The following MAPK6 variants were observed in gnomAD, a reference collection of about 807,000 sequenced individuals.
The protein encoded by MAPK6 is ERK-3.
Under a neutral mutation model 59.3 loss-of-function variants are expected in MAPK6, and 19 were observed. That is an observed-to-expected ratio of 0.32 (90% CI 0.22 to 0.47). The LOEUF is 0.47. MAPK6 is among the 20% of genes least tolerant of loss of function. MAPK6 has a pLI of 1.00. For missense variants in MAPK6, 724 were observed against 847.9 expected, an observed-to-expected ratio of 0.85 and a Z score of 1.81; for synonymous variants, 316 against 290.3, an observed-to-expected ratio of 1.09 and a Z score of -0.90.
chr15:52,049,902 C>A, intron 2 of MAPK6, 91 bp from the exon 3 acceptor site: 2 of 1,206,604 alleles, frequency 1.7e-6, no homozygotes, highest in Non-Finnish European at 2.4e-6. Flanking sequence ...CATGAGCCAC[C>A]ACGCCTGGCA....
rs2032330477 is a variant in MAPK6, at chr15:52,064,415, T to C, written c.1581T>C (p.Phe527=). 1.2e-6 allele frequency: 2 copies of C among 1,611,838 alleles called. No individual in the cohort carries two copies. The highest frequency in any genetic ancestry group is 2.2e-4 in the Middle Eastern group (1 of 4,452). ...KEREKNQGFD[F]DSFIAGTIQL... ...GGGAAAAGAATCAGGGATTTGATTT[T>C]GATTCCTTTATTGCAGGAACTATTC... Residue 527 remains phenylalanine (F), a synonymous_variant, in exon 6 of 6, where the codon TTT becomes TTC. Coordinates refer to ENST00000261845, the MANE Select transcript of MAPK6 (RefSeq NM_002748.4).
At chr15:52,028,680 A>G (rs74013645) in intron 1 of MAPK6, among the ~76,000 whole-genome samples, 8,606 of 152,294 alleles carry the variant, frequency 0.057, 484 homozygotes, top group African/African-American at 0.13. Flanking sequence ...ATTGCAGACA[A>G]CACTATTGGA....
intron 1 of MAPK6, among the ~76,000 whole-genome samples, chr15:51,980,046 G>C (rs1177757379): frequency 6.6e-6 from 1 of 151,834 alleles, no homozygotes; most frequent in Non-Finnish European, 1.5e-5. Flanking sequence ...TGTAATCCCA[G>C]TGATTTGGGA....
chr15:52,061,275 A>G (rs762460928), intron 4 of MAPK6, 24 bp from the exon 5 acceptor site: 2 of 1,590,038 alleles, frequency 1.3e-6, no homozygotes, highest in Non-Finnish European at 1.7e-6. Flanking sequence ...CTTTTCTGAA[A>G]AACTTTTACC....
intron 1 of MAPK6, among the ~76,000 whole-genome samples, chr15:52,041,117 G>A (rs2031404113): frequency 6.6e-6 from 1 of 152,190 alleles, no homozygotes; most frequent in Non-Finnish European, 1.5e-5. Context: ...CTGCCTTGTT[G>A]AAGTGTGTAG....
chr15:51,982,263 G>C (rs2057176592), intron 1 of MAPK6, among the ~76,000 whole-genome samples: 1 of 152,206 alleles, frequency 6.6e-6, no homozygotes, highest in Non-Finnish European at 1.5e-5. Context: ...TAACTGCAGA[G>C]ATACTATCTC....
In MAPK6 at chr15:51,975,339, A is replaced by C. The variant is rs911189682; in HGVS notation, c.-880+3433A>C. On this transcript the variant is annotated intron_variant, in intron 1 of 7. Transcript: ENST00000691380. ...AGGTGGATCACGAGGTCAAGAGATCAAGACCATCCTGGCCAACATGGTGAA... is the reference window on the plus strand; with the variant it reads ...AGGTGGATCACGAGGTCAAGAGATCCAGACCATCCTGGCCAACATGGTGAA... 7.3e-5 allele frequency among the ~76,000 whole-genome samples: 11 copies of C among 151,606 alleles called. 1 individual carries two copies. The highest frequency in any genetic ancestry group is 5.9e-4 in the Admixed American group (9 of 15,234).
chr15:52,062,962 A>G (rs2032262983), intron 5 of MAPK6, among the ~76,000 whole-genome samples: 1 of 152,198 alleles, frequency 6.6e-6, no homozygotes, highest in South Asian at 2.1e-4. Context: ...GATTTTAAGA[A>G]GAAATTTTTT....
At chr15:51,971,903 C>G (rs1427928916) in exon 1 of MAPK6, 6 of 717,750 alleles carry the variant, frequency 8.4e-6, no homozygotes, top group South Asian at 1.6e-5. Context: ...CTGTTCTCGC[C>G]TGGGTATGCA....
intron 1 of MAPK6, among the ~76,000 whole-genome samples, chr15:52,043,460 G>A (rs1294726388): frequency 6.6e-6 from 1 of 151,818 alleles, no homozygotes; most frequent in Non-Finnish European, 1.5e-5. Flanking sequence ...ACCACGCTGG[G>A]CTGATTTTTG....
rs563085845 is a variant in MAPK6, at chr15:52,053,223, G to T, written c.700+3086G>T. ...CGAGTAGCTGGGATTACAAAGGCTT[G>T]TGCCACCACGCCCAGCTAATTTTTG... On this transcript the variant is annotated intron_variant, in intron 3 of 5. Coordinates refer to ENST00000261845, the MANE Select transcript of MAPK6 (RefSeq NM_002748.4). Among the ~76,000 whole-genome samples, 6 of 151,964 alleles carry T rather than the reference G, an allele frequency of 3.9e-5. No individual in the cohort carries two copies. In the East Asian group the frequency reaches 1.2e-3, roughly 30 times the overall value.
chr15:52,017,698 G>A (rs548655834), upstream of MAPK6: 4 of 152,360 alleles, frequency 2.6e-5, no homozygotes, highest in South Asian at 6.2e-4. Context: ...TGGATTAAAT[G>A]CTCCTTGAGG....
In MAPK6 at chr15:52,063,891, AT is replaced by A; in HGVS notation, c.1068-4del. The stretch of plus-strand genomic sequence containing the variant: ...TACGTAGAATAACGCTAGTGTATTG[AT>A]TTTTTTCAGGTATCATGATTGTCAG... On this transcript the variant is annotated splice_polypyrimidine_tract_variant and intron_variant, in intron 5 of 5. Coordinates refer to ENST00000261845, the MANE Select transcript of MAPK6 (RefSeq NM_002748.4). 1.3e-6 allele frequency: 2 copies of A among 1,532,022 alleles called. No individual in the cohort carries two copies. Among genetic ancestry groups the A allele is most frequent in the African/African-American group, 1.4e-5 (1 of 72,096 alleles). 94.9% of individuals were successfully genotyped at this position (1,532,022 alleles called of 1,614,324 possible).
chr15:51,985,686 C>T (rs2057188797), intron 2 of MAPK6, among the ~76,000 whole-genome samples: 1 of 151,920 alleles, frequency 6.6e-6, no homozygotes, highest in Non-Finnish European at 1.5e-5. Context: ...CGGCCAGGCG[C>T]AGTGGCTCAC....
chr15:52,055,811 G>A (rs555625178), intron 3 of MAPK6, among the ~76,000 whole-genome samples: 3 of 152,222 alleles, frequency 2.0e-5, no homozygotes, highest in South Asian at 2.1e-4. Flanking sequence ...CACTGCTCTC[G>A]GCTGTATTTG....
In MAPK6 at chr15:52,061,488, A is replaced by G. The variant is rs1477600166; in HGVS notation, c.1055A>G (p.Tyr352Cys). The G allele has an allele frequency of 6.2e-7, 1 of 1,610,572 alleles. No individual in the cohort carries two copies. Among genetic ancestry groups the G allele is most frequent in the South Asian group, 1.1e-5 (1 of 90,960 alleles). ...LLMDETHSHI[Y>C]NWERYHDCQF... ...ATGGATGAAACTCACAGTCACATTTATAACTGGGAAAGGTAAATTGATCCT... is the reference window on the plus strand; with the variant it reads ...ATGGATGAAACTCACAGTCACATTTGTAACTGGGAAAGGTAAATTGATCCT... Residue 352 changes from tyrosine (Y) to cysteine (C), a missense_variant, in exon 5 of 6, where the codon TAT (tyrosine) becomes TGT (cysteine). By Grantham distance (194) the Tyr-to-Cys change is radical. Coordinates refer to ENST00000261845, the MANE Select transcript of MAPK6 (RefSeq NM_002748.4).
rs200110871 is a variant in MAPK6 at position 52,058,652 on chromosome 15, G to A, written c.720G>A (p.Gln240=). 181 of 1,609,578 alleles carry A rather than the reference G, an allele frequency of 1.1e-4. No homozygotes were observed. In the East Asian group the frequency reaches 3.9e-3, roughly 35 times the overall value. The change falls in exon 4 of 6, where the codon CAG becomes CAA. Residue 240 remains glutamine (Q), a synonymous_variant. Transcript: ENST00000261845. ...TLFAGAHELE[Q]MQLILESIPV... is the part of the protein sequence containing the mutation. ...CCTCAGGTGCACATGAACTTGAACA[G>A]ATGCAGCTGATTTTAGAATCTATTC... is the stretch of plus-strand genomic sequence containing the variant.
In MAPK6 at chr15:52,066,801, TTC is replaced by T. The variant is rs1216071759; in HGVS notation, c.*1802_*1803del. On this transcript the variant is annotated 3_prime_UTR_variant, in exon 6 of 6. Coordinates refer to ENST00000261845, the MANE Select transcript of MAPK6 (RefSeq NM_002748.4). ...GTGTGTGTGTGTGTGTGTATATATA[TTC>T]ATTTATTTATTTTCTGGTTGAATAC... is the stretch of plus-strand genomic sequence containing the variant. 1.0e-4 allele frequency: 15 copies of T among 149,666 alleles called. No individual in the cohort carries two copies. The highest frequency in any genetic ancestry group is 2.7e-4 in the African/African-American group (11 of 40,206). The allele number at this position is 149,666 out of a possible 1,614,324, so 9.3% of individuals were successfully genotyped here.
intron 1 of MAPK6, among the ~76,000 whole-genome samples, chr15:51,980,717 A>G (rs2057170501): frequency 6.6e-6 from 1 of 150,924 alleles, no homozygotes; most frequent in Non-Finnish European, 1.5e-5. Context: ...CAGCCTCCCC[A>G]GTAGCTGGGA....
Sources: allele counts gnomAD v4.1 joint callset (sites outside exome capture counted in the v4.1 genomes callset), GRCh38; gene constraint gnomAD v4.1.1; transcripts MANE v1.5; gene names NCBI Gene and HGNC (gene_info 2026-07-23, HGNC 2026-07-21).